Variants in TTC28 observed in about 807,000 individuals in gnomAD.
TTC28 encodes the protein tetratricopeptide repeat domain 28.
Under a neutral mutation model 198.0 loss-of-function variants are expected in TTC28, and 61 were observed. The observed-to-expected ratio is 0.31, with a 90% CI of 0.25 to 0.38. The LOEUF is 0.38. Ranked by LOEUF, TTC28 falls within the 10% of genes least tolerant of loss-of-function variation. The pLI is 1.00. For synonymous variants in TTC28, 1,171 were observed against 1,297.8 expected (o/e 0.90, Z 2.10); for missense variants, 2,678 against 3,164.0 (o/e 0.85, Z 3.69).
chr22:28,218,855 T>C (rs1395278303), intron 5 of TTC28, among the ~76,000 whole-genome samples: 1 of 151,906 alleles, frequency 6.6e-6, no homozygotes, highest in Non-Finnish European at 1.5e-5. Context: ...AAAAATACAA[T>C]GACTTCTAGT....
rs7293033 is a variant in TTC28, at chr22:28,275,252, T to C, written c.933+20946A>G. On this transcript the variant is annotated intron_variant, in intron 5 of 22. Transcript: ENST00000397906. ...GTCTGGTAAAAGCTTTGGCAAAGATTTTTCCAACTTCATGCATGTTTCACC... is the reference window on the plus strand; with the variant it reads ...GTCTGGTAAAAGCTTTGGCAAAGATCTTTCCAACTTCATGCATGTTTCACC... 7.8e-3 allele frequency among the ~76,000 whole-genome samples: 1,195 copies of C among 152,254 alleles called. 22 individuals are homozygous for C. Among genetic ancestry groups the C allele is most frequent in the African/African-American group, 0.027 (1,102 of 41,548 alleles).
intron 5 of TTC28, among the ~76,000 whole-genome samples, chr22:28,219,227 G>A (rs1244390613): frequency 6.6e-6 from 1 of 152,194 alleles, no homozygotes; most frequent in Admixed American, 6.5e-5. Flanking sequence ...TACCCACTTC[G>A]TCTGGGCGTG....
chr22:28,356,198 T>A (rs2046075043), intron 2 of TTC28, among the ~76,000 whole-genome samples: 1 of 152,204 alleles, frequency 6.6e-6, no homozygotes, highest in Admixed American at 6.5e-5. Flanking sequence ...CTACTCCAGC[T>A]ACTACTCTCT....
intron 13 of TTC28, among the ~76,000 whole-genome samples, chr22:28,018,561 C>G (rs1201501713): frequency 6.6e-6 from 1 of 152,218 alleles, no homozygotes; most frequent in South Asian, 2.1e-4. Context: ...GCCCACGCCT[C>G]TTCCTTAGTA....
At chr22:28,591,038 CACATAT>C (rs1361225207) in intron 2 of TTC28, among the ~76,000 whole-genome samples, 54 of 24,494 alleles carry the variant, frequency 2.2e-3, no homozygotes, top group African/African-American at 2.9e-3. Context: ...CACACACACA[CACATAT>C]ATATATATAT....
chr22:28,594,414 C>A (rs1158643508), intron 2 of TTC28, among the ~76,000 whole-genome samples: 5 of 151,842 alleles, frequency 3.3e-5, no homozygotes, highest in Admixed American at 3.3e-4. Flanking sequence ...AACATGAAAC[C>A]TTCTGAGGTC....
intron 1 of TTC28, among the ~76,000 whole-genome samples, chr22:28,675,735 T>TCACTCACACACA (rs1555910098): frequency 1.5e-5 from 2 of 135,206 alleles, no homozygotes; most frequent in Admixed American, 1.5e-4. Context: ...TGAAACCCTG[T>TCACTCACACACA]CACACACACA....
At chr22:28,083,623 G>T (rs2146816584) in intron 12 of TTC28, among the ~76,000 whole-genome samples, 1 of 152,350 alleles carries the variant, frequency 6.6e-6, no homozygotes, top group South Asian at 2.1e-4. Flanking sequence ...TTCCAACTGA[G>T]GTACTGGGTT....
chr22:28,493,404 G>A (rs1228753309), intron 2 of TTC28, among the ~76,000 whole-genome samples: 1 of 152,018 alleles, frequency 6.6e-6, no homozygotes, highest in African/African-American at 2.4e-5. Context: ...GCTCCCCTTT[G>A]AAGGATGTAA....
chr22:28,063,025 A>C (rs571999982), intron 12 of TTC28, among the ~76,000 whole-genome samples: 5 of 152,302 alleles, frequency 3.3e-5, no homozygotes, highest in African/African-American at 1.2e-4. Flanking sequence ...TCTTCTGAAG[A>C]GTATTTTTTT....
At chr22:28,264,018 T>C (rs1284618921) in intron 5 of TTC28, among the ~76,000 whole-genome samples, 6 of 151,626 alleles carry the variant, frequency 4.0e-5, no homozygotes, top group Admixed American at 6.6e-5. Context: ...AAACGGGGAG[T>C]GGGGAGGCAG....
At position 28,321,159 on chromosome 22, in the gene TTC28, C is replaced by T. The variant is rs369619832; in HGVS notation, c.382-14516G>A. On this transcript the variant is annotated intron_variant, in intron 2 of 22. Transcript: ENST00000397906. The stretch of plus-strand genomic sequence containing the variant: ...CATTGGCTGAGAAGCTTGCTGATGG[C>T]TTCTTTTGTTTCTCTTTGATTTAAA... Among the ~76,000 whole-genome samples, 32 of 152,230 alleles carry T rather than the reference C, an allele frequency of 2.1e-4. No individual in the cohort carries two copies. The East Asian group carries it at 6.0e-3, about 28-fold the overall frequency.
chr22:28,309,326 A>G (rs1322684730), intron 2 of TTC28, among the ~76,000 whole-genome samples: 1 of 152,218 alleles, frequency 6.6e-6, no homozygotes, highest in Non-Finnish European at 1.5e-5. Context: ...ATAAAAGACT[A>G]TGAGCAATCA....
intron 6 of TTC28, among the ~76,000 whole-genome samples, chr22:28,139,183 T>A (rs1943271997): frequency 6.6e-6 from 1 of 152,122 alleles, no homozygotes; most frequent in Non-Finnish European, 1.5e-5. Flanking sequence ...CAATCCTGAG[T>A]CTCGAAAGGC....
chr22:28,024,685 T>C (rs1216324324), intron 13 of TTC28, among the ~76,000 whole-genome samples: 1 of 152,202 alleles, frequency 6.6e-6, no homozygotes, highest in Non-Finnish European at 1.5e-5. Flanking sequence ...AGACTTGGCT[T>C]GGGGCAATTC....
chr22:28,179,820 A>T (rs147561343), intron 5 of TTC28, among the ~76,000 whole-genome samples: 29 of 152,378 alleles, frequency 1.9e-4, no homozygotes, highest in African/African-American at 7.0e-4. Context: ...GACCAATACA[A>T]TACTGAGCAT....
intron 12 of TTC28, among the ~76,000 whole-genome samples, chr22:28,047,037 G>C (rs1939894246): frequency 2.0e-5 from 3 of 152,298 alleles, no homozygotes; most frequent in African/African-American, 7.2e-5. Flanking sequence ...CCAGAGAGAA[G>C]GGAATGAGGA....
At chr22:28,544,939 A>C (rs1004457633) in intron 2 of TTC28, among the ~76,000 whole-genome samples, 3 of 152,150 alleles carry the variant, frequency 2.0e-5, no homozygotes, top group Admixed American at 1.3e-4. Context: ...ATAATCAAGA[A>C]ACAACTATAA....
At chr22:28,597,840 G>A (rs906042426) in intron 2 of TTC28, among the ~76,000 whole-genome samples, 25 of 152,200 alleles carry the variant, frequency 1.6e-4, no homozygotes, top group African/African-American at 6.0e-4. Context: ...CACCCAGGCT[G>A]GAGTGCAATG....
Sources: gnomAD v4.1 joint callset for allele counts (sites outside exome capture counted in the v4.1 genomes callset) on GRCh38, gnomAD v4.1.1 for gene constraint, MANE v1.5 for transcripts, NCBI Gene and HGNC (gene_info 2026-07-23, HGNC 2026-07-21) for gene names.